Variants in BPIFA2 observed in about 807,000 individuals in gnomAD.
BPIFA2 encodes the protein BPI fold-containing family A member 2.
Under a neutral mutation model 25.7 loss-of-function variants are expected in BPIFA2, and 20 were observed. The ratio of observed to expected loss-of-function variants is 0.78; its 90% CI spans 0.55 to 1.13. The LOEUF is 1.13. Ranked by LOEUF, BPIFA2 falls within the 50% of genes most tolerant of loss-of-function variation. The probability of loss-of-function intolerance (pLI) is 0.00; values close to 1 mark genes in which losing one functional copy is unlikely to be tolerated. For missense variants in BPIFA2, 300 were observed against 298.1 expected (o/e 1.01, Z -0.05); for synonymous variants, 126 against 124.3 (o/e 1.01, Z -0.09).
intron 2 of BPIFA2, 88 bp from the exon 3 acceptor site, chr20:33,172,844 C>T (rs1983944429): frequency 1.4e-6 from 2 of 1,380,492 alleles, no homozygotes; most frequent in African/African-American, 1.5e-5. Flanking sequence ...AATGAAATAA[C>T]ATAGGCAAAC....
At chr20:33,171,048 T>C (rs1983881027) in intron 2 of BPIFA2, among the ~76,000 whole-genome samples, 1 of 152,182 alleles carries the variant, frequency 6.6e-6, no homozygotes, top group South Asian at 2.1e-4. Context: ...GTTGTAGACA[T>C]GTGGTGTTAT....
chr20:33,168,871 A>G (rs969023533), intron 1 of BPIFA2, among the ~76,000 whole-genome samples: 2 of 152,246 alleles, frequency 1.3e-5, no homozygotes, highest in Middle Eastern at 3.2e-3. Context: ...CAGAGAAGAC[A>G]GCGTATGAAA....
intron 3 of BPIFA2, among the ~76,000 whole-genome samples, chr20:33,173,755 T>G (rs1007656691): frequency 6.6e-6 from 1 of 152,154 alleles, no homozygotes; most frequent in Non-Finnish European, 1.5e-5. Context: ...CTGCCTGCCT[T>G]GGCCTCCCAA....
intron 5 of BPIFA2, among the ~76,000 whole-genome samples, chr20:33,176,572 G>C (rs934032644): frequency 2.0e-5 from 3 of 152,024 alleles, no homozygotes; most frequent in African/African-American, 4.8e-5. Flanking sequence ...TCAGAGGCTG[G>C]AGCCTGGCTG....
chr20:33,162,457 C>T (rs1417295526), intron 1 of BPIFA2, among the ~76,000 whole-genome samples: 1 of 152,236 alleles, frequency 6.6e-6, no homozygotes, highest in African/African-American at 2.4e-5. Context: ...TAACATCACA[C>T]AGCTGGCCAG....
At chr20:33,180,079 G>T (rs973563678) in intron 7 of BPIFA2, among the ~76,000 whole-genome samples, 1 of 152,074 alleles carries the variant, frequency 6.6e-6, no homozygotes, top group Non-Finnish European at 1.5e-5. Flanking sequence ...TTAGCCAGGC[G>T]TGGTGGCATC....
chr20:33,166,681 C>T (rs1303709941), upstream of BPIFA2, among the ~76,000 whole-genome samples: 1 of 152,202 alleles, frequency 6.6e-6, no homozygotes, highest in East Asian at 1.9e-4. Context: ...GAGCACTGCC[C>T]TCAAAGCCCC....
At chr20:33,168,370 A>G (rs1397010189) in intron 1 of BPIFA2, among the ~76,000 whole-genome samples, 161 bp downstream of exon 1, 1 of 152,186 alleles carries the variant, frequency 6.6e-6, no homozygotes, top group Non-Finnish European at 1.5e-5. Flanking sequence ...CAAGTTCGTG[A>G]TGAGTACTCA....
chr20:33,161,931 G>A (rs778837478), intron 1 of BPIFA2: 2 of 152,156 alleles, frequency 1.3e-5, no homozygotes, highest in Non-Finnish European at 2.9e-5. Context: ...CAAGTCCTTC[G>A]AGGGTCCCGG....
rs745926614 is a variant in BPIFA2 at position 33,169,286 on chromosome 20, T to C, written c.141T>C (p.Val47=). The C allele has an allele frequency of 6.2e-7, 1 of 1,614,072 alleles. No individual in the cohort carries two copies. The highest frequency in any genetic ancestry group is 1.1e-5 in the South Asian group (1 of 91,080). ...TTCTTCACGAGGGACTTGAGACAGT[T>C]GACAATACTCTTAAAGGTAAATCAA... ...EPVLHEGLET[V]DNTLKGILEK... The change falls in exon 2 of 9, where the codon GTT becomes GTC. Residue 47 remains valine (V), a synonymous_variant. Transcript: ENST00000354932.
chr20:33,174,189 G>A lies in BPIFA2; in HGVS notation c.410+3G>A, dbSNP rs367896836. 6.2e-7 allele frequency: 1 copy of A among 1,613,580 alleles called. No individual in the cohort carries two copies. Among genetic ancestry groups the A allele is most frequent in the Non-Finnish European group, 8.5e-7 (1 of 1,179,468 alleles). Reference sequence around the variant, plus strand: ...ACCGCGAATGTCACTGTGGCCGGGTGAGTATGCACTAGAATCTGAGATTTG... The same window carrying A: ...ACCGCGAATGTCACTGTGGCCGGGTAAGTATGCACTAGAATCTGAGATTTG... On this transcript the variant is annotated splice_donor_region_variant and intron_variant, in intron 4 of 8. Coordinates refer to ENST00000354932, the MANE Select transcript of BPIFA2 (RefSeq NM_080574.4).
chr20:33,162,471 C>T lies in BPIFA2; in HGVS notation c.-16+573C>T, dbSNP rs1051569947. 5.6e-4 allele frequency among the ~76,000 whole-genome samples: 85 copies of T among 152,206 alleles called. 1 individual carries two copies. The highest frequency in any genetic ancestry group is 1.6e-3 in the African/African-American group (67 of 41,436). ...CTAACATCACACAGCTGGCCAGTGGCGGAATCTAGAATGAGGCTCTGCCCT... is the reference window on the plus strand; with the variant it reads ...CTAACATCACACAGCTGGCCAGTGGTGGAATCTAGAATGAGGCTCTGCCCT... On this transcript the variant is annotated intron_variant, in intron 1 of 8. Coordinates refer to the BPIFA2 transcript ENST00000253362.
chr20:33,176,780 C>T (rs1984093405), intron 5 of BPIFA2, among the ~76,000 whole-genome samples: 1 of 152,166 alleles, frequency 6.6e-6, no homozygotes, highest in Non-Finnish European at 1.5e-5. Flanking sequence ...CTGTACCCTC[C>T]CCTTACTCAC....
chr20:33,169,447 T>C (rs149884564), intron 2 of BPIFA2, 145 bp downstream of exon 2: 1 of 726,782 alleles, frequency 1.4e-6, no homozygotes, highest in African/African-American at 1.8e-5. Flanking sequence ...CTCATTCGTT[T>C]ATCTTTCTAG....
At chr20:33,174,988 T>G (rs117981615) in intron 4 of BPIFA2, among the ~76,000 whole-genome samples, 1 of 152,204 alleles carries the variant, frequency 6.6e-6, no homozygotes. Context: ...GTAAACTACA[T>G]GCACTAATGA....
At position 33,180,567 on chromosome 20, in the gene BPIFA2, C is replaced by T. The variant is rs747462850; in HGVS notation, c.*7C>T. On this transcript the variant is annotated 3_prime_UTR_variant, in exon 8 of 9. Transcript: ENST00000354932. ...GCTGCAAACCCTCATCTGAAGAGGA[C>T]GAATGAGGAGGACCACTGTGGTGCA... 30 of 1,611,582 alleles carry T rather than the reference C, an allele frequency of 1.9e-5. No individual in the cohort carries two copies. Among genetic ancestry groups the T allele is most frequent in the East Asian group, 1.6e-4 (7 of 44,882 alleles).
Position 33,169,184 on chromosome 20 carries a change from G to T in BPIFA2, c.39G>T (p.Val13=), listed in dbSNP as rs1470647833. 3 of 1,614,136 alleles carry T rather than the reference G, an allele frequency of 1.9e-6. No individual in the cohort carries two copies. In the Admixed American group the frequency reaches 5.0e-5, roughly 27 times the overall value. ...GGAAACTTGTTCTCCTGTGCGGCGT[G>T]CTCACTGGGACCTCAGAGTCTCTTC... is the stretch of plus-strand genomic sequence containing the variant. The part of the protein sequence containing the change: ...QLWKLVLLCG[V]LTGTSESLLD... The change falls in exon 2 of 9, where the codon GTG becomes GTT. Residue 13 remains valine (V), a synonymous_variant. Coordinates refer to ENST00000354932, the MANE Select transcript of BPIFA2 (RefSeq NM_080574.4).
chr20:33,165,089 G>A (rs1983686625), upstream of BPIFA2, among the ~76,000 whole-genome samples: 1 of 152,224 alleles, frequency 6.6e-6, no homozygotes, highest in South Asian at 2.1e-4. Context: ...ACCCGGCAAA[G>A]TCAAAATTAC....
At position 33,174,179 on chromosome 20, in the gene BPIFA2, G is replaced by T. The variant is rs1791558530; in HGVS notation, c.403G>T (p.Val135Leu). 6.2e-7 allele frequency: 1 copy of T among 1,614,046 alleles called. No individual in the cohort carries two copies. The highest frequency in any genetic ancestry group is 8.5e-7 in the Non-Finnish European group (1 of 1,179,906). Reference protein sequence around the residue: ...LSFPVTANVTVAGPIIGQIIN... With the variant: ...LSFPVTANVTLAGPIIGQIIN... ...CTTCCCTGTCACCGCGAATGTCACT[G>T]TGGCCGGGTGAGTATGCACTAGAAT... Residue 135 changes from valine to leucine, a missense_variant, in exon 4 of 9, where the codon GTG becomes TTG. Coordinates refer to ENST00000354932, the MANE Select transcript of BPIFA2 (RefSeq NM_080574.4).
Sources: allele counts gnomAD v4.1 joint callset (sites outside exome capture counted in the v4.1 genomes callset), GRCh38; gene constraint gnomAD v4.1.1; transcripts MANE v1.5; gene names NCBI Gene and HGNC (gene_info 2026-07-23, HGNC 2026-07-21).